PCNX2: variants seen among roughly 807,000 people sequenced by gnomAD.
PCNX2 encodes the protein pecanex-like protein 2.
PCNX2 carries 168 observed loss-of-function variants against 223.8 expected under a neutral mutation model. The observed-to-expected ratio is 0.75, with a 90% CI of 0.66 to 0.85. PCNX2 has a LOEUF of 0.85. Among genes scored for constraint, PCNX2 ranks in the 40% least tolerant of loss-of-function variants. The probability of loss-of-function intolerance (pLI) is 0.00; values close to 1 mark genes in which losing one functional copy is unlikely to be tolerated. For missense variants in PCNX2, 2,507 were observed against 2,675.5 expected, an observed-to-expected ratio of 0.94 and a Z score of 1.39; for synonymous variants, 1,006 against 1,052.6, an observed-to-expected ratio of 0.96 and a Z score of 0.86.
chr1:233,237,053 C>G, intron 8 of PCNX2, 73 bp from the exon 9 acceptor site: 1 of 1,582,014 alleles, frequency 6.3e-7, no homozygotes, highest in African/African-American at 1.3e-5. Flanking sequence ...TACACAAACA[C>G]AAGGACAATA....
chr1:233,107,519 G>A (rs1408018693), intron 21 of PCNX2, among the ~76,000 whole-genome samples: 1 of 152,120 alleles, frequency 6.6e-6, no homozygotes, highest in Non-Finnish European at 1.5e-5. Context: ...TTTCAATTTT[G>A]AGTTGTATTT....
intron 3 of PCNX2, 67 bp from the exon 4 acceptor site, chr1:233,261,388 C>T (rs1377621456): frequency 7.1e-7 from 1 of 1,407,858 alleles, no homozygotes; most frequent in Non-Finnish European, 1.0e-6. Context: ...AGACAGTCGG[C>T]AATAACTGAC....
intron 19 of PCNX2, among the ~76,000 whole-genome samples, chr1:233,151,601 T>G (rs1434301215): frequency 6.6e-6 from 1 of 152,230 alleles, no homozygotes; most frequent in African/African-American, 2.4e-5. Flanking sequence ...CCCTGTGGCT[T>G]GCTGGAGAGC....
intron 21 of PCNX2, among the ~76,000 whole-genome samples, chr1:233,120,164 CAAAAAA>C (rs1228898502): frequency 1.2e-4 from 5 of 42,668 alleles, no homozygotes; most frequent in African/African-American, 2.9e-4. Flanking sequence ...GACTCCATTT[CAAAAAA>C]AAAAAAAAAA....
the PCNX2 span, among the ~76,000 whole-genome samples, chr1:233,311,285 T>C: frequency 6.6e-6 from 1 of 152,186 alleles, no homozygotes; most frequent in South Asian, 2.1e-4. Context: ...TGAGCAGTTG[T>C]TGAACAACTA....
chr1:233,190,111 T>A (rs1302608837), intron 15 of PCNX2, among the ~76,000 whole-genome samples: 1 of 152,028 alleles, frequency 6.6e-6, no homozygotes, highest in Non-Finnish European at 1.5e-5. Flanking sequence ...AACACATATA[T>A]CATGACCCAT....
intron 26 of PCNX2, among the ~76,000 whole-genome samples, chr1:233,022,704 T>TCC (rs1670939246): frequency 6.8e-6 from 1 of 147,588 alleles, no homozygotes; most frequent in Non-Finnish European, 1.5e-5. Context: ...TCTTTTTTTT[T>TCC]TTTTTTTTTT....
rs1251568528 is a variant in PCNX2, at chr1:233,217,699, C to G, written c.2691+200G>C. On this transcript the variant is annotated intron_variant, in intron 12 of 33. Transcript: ENST00000258229. ...CCACCCACTGCCCCACACCTTCCCC[C>G]ATACCACCCACACCATGCTCTCAGA... is the stretch of plus-strand genomic sequence containing the variant. 2.0e-5 allele frequency among the ~76,000 whole-genome samples: 3 copies of G among 152,140 alleles called. No individual in the cohort carries two copies. The East Asian group carries it at 5.8e-4, about 29-fold the overall frequency.
intron 23 of PCNX2, among the ~76,000 whole-genome samples, chr1:233,079,192 T>A (rs1673235450): frequency 6.6e-6 from 1 of 152,140 alleles, no homozygotes; most frequent in African/African-American, 2.4e-5. Context: ...GACACAGAAT[T>A]ATGGCAATAA....
chr1:233,272,568 T>G (rs1429526326), intron 1 of PCNX2, among the ~76,000 whole-genome samples: 2 of 152,184 alleles, frequency 1.3e-5, no homozygotes, highest in African/African-American at 4.8e-5. Context: ...GTACAGCCAT[T>G]ATGGAAAACA....
chr1:233,036,447 T>C (rs1184574256), intron 25 of PCNX2, among the ~76,000 whole-genome samples: 1 of 151,996 alleles, frequency 6.6e-6, no homozygotes, highest in Non-Finnish European at 1.5e-5. Context: ...CTGGCCAACA[T>C]AGTGAAACCC....
rs368192063 is a variant in PCNX2 at position 233,258,379 on chromosome 1, G to A, written c.1483C>T (p.Arg495Trp). 8.1e-5 allele frequency: 130 copies of A among 1,613,948 alleles called. 1 individual carries two copies. In the South Asian group the frequency reaches 1.1e-3, roughly 14 times the overall value. ...TCGGAGCCTGTATCAGGTGTAAGCC[G>A]GGACACCGATTCCCAGGGTTCCCGT... is the stretch of plus-strand genomic sequence containing the variant. ...SSREPWESVS[R>W]LTPDTGSESK... The change falls in exon 5 of 34, where the codon CGG becomes TGG. Residue 495 changes from arginine to tryptophan, a missense_variant. Coordinates refer to ENST00000258229, the MANE Select transcript of PCNX2 (RefSeq NM_014801.4).
At chr1:233,110,805 G>A (rs1159165674) in intron 21 of PCNX2, among the ~76,000 whole-genome samples, 3 of 150,232 alleles carry the variant, frequency 2.0e-5, no homozygotes, top group Non-Finnish European at 3.0e-5. Flanking sequence ...TTATTTAAAC[G>A]TAATATTATT....
At chr1:233,084,198 G>GTTTGACCAA (rs1359835557) in intron 23 of PCNX2, among the ~76,000 whole-genome samples, 4 of 152,138 alleles carry the variant, frequency 2.6e-5, no homozygotes, top group Admixed American at 6.5e-5. Context: ...TTTAATTGTG[G>GTTTGACCAA]TTTGACCAAC....
chr1:233,280,263 G>A (rs1661122283), intron 1 of PCNX2, among the ~76,000 whole-genome samples: 2 of 150,036 alleles, frequency 1.3e-5, no homozygotes, highest in Non-Finnish European at 3.0e-5. Flanking sequence ...GAATTCTTGA[G>A]AATGGTTATT....
chr1:233,262,452 G>A (rs1464157789), intron 2 of PCNX2, among the ~76,000 whole-genome samples: 2 of 152,066 alleles, frequency 1.3e-5, no homozygotes, highest in African/African-American at 4.8e-5. Context: ...GCCACCATCT[G>A]CAGCAGATAA....
At chr1:233,013,569 C>T (rs547047473) in intron 28 of PCNX2, among the ~76,000 whole-genome samples, 2 of 152,320 alleles carry the variant, frequency 1.3e-5, no homozygotes, top group South Asian at 2.1e-4. Flanking sequence ...AACAAGCTTA[C>T]AATCCCACCT....
At position 233,258,529 on chromosome 1, in the gene PCNX2, AG is replaced by A. The variant is rs1256916473; in HGVS notation, c.1332del (p.Cys445ValfsTer14). 2 of 1,613,990 alleles carry A rather than the reference AG, an allele frequency of 1.2e-6. No homozygotes were observed. The highest frequency in any genetic ancestry group is 1.7e-5 in the Admixed American group (1 of 60,014). On this transcript the variant is annotated frameshift_variant, in exon 5 of 34. Coordinates refer to ENST00000258229, the MANE Select transcript of PCNX2 (RefSeq NM_014801.4). LOFTEE classifies it high-confidence loss of function. ...DLPEGGGGGVPCPEGNGSERT... is the reference protein window; with the variant it reads ...DLPEGGGGGVXCPEGNGSERT... ...CTTTCACTTCCATTGCCTTCGGGACAGGGAACACCTCCTCCCCCACCCTCAG... is the reference window on the plus strand; with the variant it reads ...CTTTCACTTCCATTGCCTTCGGGACAGGAACACCTCCTCCCCCACCCTCAG...
At chr1:233,169,284 T>A (rs770431440) in intron 17 of PCNX2, among the ~76,000 whole-genome samples, 4 of 152,166 alleles carry the variant, frequency 2.6e-5, no homozygotes, top group Non-Finnish European at 5.9e-5. Flanking sequence ...AATCATTTTC[T>A]CTGTATATTT....
Sources: gnomAD v4.1 joint callset for allele counts (sites outside exome capture counted in the v4.1 genomes callset) on GRCh38, gnomAD v4.1.1 for gene constraint, MANE v1.5 for transcripts, NCBI Gene and HGNC (gene_info 2026-07-23, HGNC 2026-07-21) for gene names.